The following GRIP1 variants were observed in gnomAD, a reference collection of about 807,000 sequenced individuals.
The protein encoded by GRIP1 is glutamate receptor interacting protein 1.
A neutral mutation model predicts 129.9 loss-of-function variants in GRIP1; 45 were observed. The observed-to-expected ratio is 0.35, with a 90% CI of 0.27 to 0.44. The LOEUF is 0.44. GRIP1 is among the 20% of genes least tolerant of loss of function. GRIP1 has a pLI of 1.00. For missense variants in GRIP1, 1,196 were observed against 1,396.8 expected (o/e 0.86, Z 2.29); for synonymous variants, 530 against 520.8 (o/e 1.02, Z -0.24).
intron 11 of GRIP1, among the ~76,000 whole-genome samples, chr12:66,453,906 C>A (rs2058878203): frequency 6.6e-6 from 1 of 152,146 alleles, no homozygotes; most frequent in African/African-American, 2.4e-5. Flanking sequence ...TAGTTTCTTC[C>A]AAGAGTAAAT....
intron 4 of GRIP1, among the ~76,000 whole-genome samples, chr12:66,531,575 C>T (rs1011187310): frequency 6.6e-6 from 1 of 152,000 alleles, no homozygotes; most frequent in Admixed American, 6.6e-5. Context: ...CATAAACCTA[C>T]AGTTCAAAAA....
At chr12:66,889,831 G>A (rs550805058) in intron 1 of GRIP1, among the ~76,000 whole-genome samples, 1 of 152,276 alleles carries the variant, frequency 6.6e-6, no homozygotes, top group African/African-American at 2.4e-5. Flanking sequence ...CACTGATCGA[G>A]TGCCTAATAT....
chr12:66,899,116 C>T (rs1206323972), intron 1 of GRIP1, among the ~76,000 whole-genome samples: 1 of 152,132 alleles, frequency 6.6e-6, no homozygotes, highest in African/African-American at 2.4e-5. Context: ...CAATTTATGT[C>T]CATATTGCTT....
chr12:66,377,631 A>G (rs954306279), intron 20 of GRIP1, among the ~76,000 whole-genome samples: 12 of 115,740 alleles, frequency 1.0e-4, no homozygotes, highest in East Asian at 2.4e-4. Flanking sequence ...GAGCCACCGC[A>G]CCCGGCCTTT....
At chr12:66,939,293 G>C (rs1357246047) in intron 1 of GRIP1, among the ~76,000 whole-genome samples, 1 of 152,080 alleles carries the variant, frequency 6.6e-6, no homozygotes, top group Non-Finnish European at 1.5e-5. Flanking sequence ...GCTGCAGTGA[G>C]CTACGATCAC....
chr12:66,392,831 A>T lies in GRIP1; in HGVS notation c.2130-15T>A, dbSNP rs752122973. ...TTGCGCCAGTTCTGAAAAGCCAAAT[A>T]GTAATAGGAGAGGTAGAAATAATCC... On this transcript the variant is annotated splice_polypyrimidine_tract_variant and intron_variant, in intron 17 of 24. Coordinates refer to ENST00000359742, the MANE Select transcript of GRIP1 (RefSeq NM_001366722.1). 1.2e-6 allele frequency: 2 copies of T among 1,611,640 alleles called. No homozygotes were observed. The highest frequency in any genetic ancestry group is 3.3e-5 in the Admixed American group (2 of 60,010).
chr12:66,368,317 G>C (rs2055270817), intron 23 of GRIP1, among the ~76,000 whole-genome samples: 1 of 152,204 alleles, frequency 6.6e-6, no homozygotes, highest in African/African-American at 2.4e-5. Context: ...CCAACTTATA[G>C]TGAAAATAAT....
intron 1 of GRIP1, among the ~76,000 whole-genome samples, chr12:66,826,470 C>G (rs2039415663): frequency 6.6e-6 from 1 of 151,642 alleles, no homozygotes; most frequent in African/African-American, 2.4e-5. Flanking sequence ...AGAAAGAAAC[C>G]AAGTCTTCAA....
chr12:66,378,772 T>C (rs2137372628), intron 20 of GRIP1, among the ~76,000 whole-genome samples: 1 of 151,434 alleles, frequency 6.6e-6, no homozygotes, highest in South Asian at 2.1e-4. Context: ...ATAAAAGTAA[T>C]ACAATATAAA....
intron 1 of GRIP1, among the ~76,000 whole-genome samples, chr12:66,659,690 T>C (rs2033381914): frequency 6.6e-6 from 1 of 152,226 alleles, no homozygotes; most frequent in African/African-American, 2.4e-5. Flanking sequence ...CTGTTCATTC[T>C]GACAGTATGT....
At chr12:66,697,078 G>A (rs1192075029) in intron 1 of GRIP1, among the ~76,000 whole-genome samples, 1 of 151,970 alleles carries the variant, frequency 6.6e-6, no homozygotes, top group African/African-American at 2.4e-5. Flanking sequence ...CATATAGCAG[G>A]TGCTTTATAA....
chr12:66,386,413 C>G (rs576999251), intron 19 of GRIP1, among the ~76,000 whole-genome samples: 1 of 152,122 alleles, frequency 6.6e-6, no homozygotes, highest in Non-Finnish European at 1.5e-5. Flanking sequence ...GCAGGTGGAT[C>G]GCGAGGTCAG....
At chr12:66,387,479 T>C (rs2056405344) in intron 19 of GRIP1, among the ~76,000 whole-genome samples, 2 of 152,192 alleles carry the variant, frequency 1.3e-5, no homozygotes, top group Non-Finnish European at 2.9e-5. Context: ...ACTCATCTCA[T>C]TCAGTGGTGA....
intron 1 of GRIP1, among the ~76,000 whole-genome samples, chr12:67,036,964 C>T (rs774394): frequency 0.91 from 138,655 of 152,034 alleles, 64,034 homozygotes; most frequent in Non-Finnish European, 0.98. Context: ...TGTGAGTCTC[C>T]GACAAGTGTG....
chr12:66,643,252 C>G (rs1406104019), intron 1 of GRIP1, among the ~76,000 whole-genome samples: 1 of 152,192 alleles, frequency 6.6e-6, no homozygotes, highest in Non-Finnish European at 1.5e-5. Flanking sequence ...AAACCCTATT[C>G]CTAGAAATGC....
rs376454539 is a variant in GRIP1, at chr12:66,604,692, G to A, written c.56-7765C>T. Among the ~76,000 whole-genome samples, 40 of 152,240 alleles carry A rather than the reference G, an allele frequency of 2.6e-4. 1 individual carries two copies. The highest frequency in any genetic ancestry group is 8.9e-4 in the African/African-American group (37 of 41,524). On this transcript the variant is annotated intron_variant, in intron 1 of 24. Coordinates refer to ENST00000359742, the MANE Select transcript of GRIP1 (RefSeq NM_001366722.1). Reference sequence around the variant, plus strand: ...CTTAGCTTTAGAATGACAATTTGGTGCAAAATTTGGATTGCCTCAGCTGAC... The same window carrying A: ...CTTAGCTTTAGAATGACAATTTGGTACAAAATTTGGATTGCCTCAGCTGAC...
At chr12:66,351,805 C>G (rs975014456) in intron 24 of GRIP1, among the ~76,000 whole-genome samples, 1 of 152,256 alleles carries the variant, frequency 6.6e-6, no homozygotes, top group African/African-American at 2.4e-5. Context: ...TGGCTGCTCA[C>G]TGGAATCACT....
chr12:66,641,428 T>C (rs567369000), intron 1 of GRIP1, among the ~76,000 whole-genome samples: 17 of 152,306 alleles, frequency 1.1e-4, no homozygotes, highest in African/African-American at 3.8e-4. Context: ...CACATTCTTA[T>C]TTAGTTTTTA....
At chr12:66,696,134 AT>A (rs937465290) in intron 1 of GRIP1, among the ~76,000 whole-genome samples, 94 of 149,968 alleles carry the variant, frequency 6.3e-4, no homozygotes, top group Admixed American at 1.9e-3. Flanking sequence ...TCAAAACCCC[AT>A]TTTTTTTTTA....
Sources: gnomAD v4.1 joint callset for allele counts (sites outside exome capture counted in the v4.1 genomes callset) on GRCh38, gnomAD v4.1.1 for gene constraint, MANE v1.5 for transcripts, NCBI Gene and HGNC (gene_info 2026-07-23, HGNC 2026-07-21) for gene names.